ITGAV: variants seen among roughly 807,000 people sequenced by gnomAD.
ITGAV encodes the protein integrin alpha-V.
In ITGAV, 76 loss-of-function variants were observed where a neutral mutation model predicts 143.8. The ratio of observed to expected loss-of-function variants is 0.53; its 90% CI spans 0.44 to 0.64. The LOEUF (loss-of-function observed/expected upper bound fraction) is 0.64. Among genes scored for constraint, ITGAV ranks in the 30% least tolerant of loss-of-function variants. ITGAV has a pLI of 0.00. For synonymous variants in ITGAV, 453 were observed against 446.7 expected (o/e 1.01, Z -0.18); for missense variants, 1,193 against 1,274.7 (o/e 0.94, Z 0.98).
At position 186,656,413 on chromosome 2, in the gene ITGAV, C is replaced by G. The variant is rs748017411; in HGVS notation, c.1719+12C>G. The stretch of plus-strand genomic sequence containing the variant: ...TAGCGTATCTGCGGGTAAGAGCTAA[C>G]TTTTCTGCTACCTTGTTGTTCCTTT... On this transcript the variant is annotated intron_variant, in intron 17 of 29. Transcript: ENST00000261023. 6.8e-7 allele frequency: 1 copy of G among 1,464,054 alleles called. No individual in the cohort carries two copies. Among genetic ancestry groups the G allele is most frequent in the Non-Finnish European group, 9.0e-7 (1 of 1,108,890 alleles). 90.7% of individuals were successfully genotyped at this position (1,464,054 alleles called of 1,614,324 possible).
In ITGAV at chr2:186,649,835, T is replaced by G; in HGVS notation, c.1352-5T>G. ...TATTAACATGTTTTTCCACTCTTTC[T>G]TAAGACTTAATTGTAGGAGCTTTTG... On this transcript the variant is annotated splice_region_variant and splice_polypyrimidine_tract_variant and intron_variant, in intron 13 of 29. Coordinates refer to ENST00000261023, the MANE Select transcript of ITGAV (RefSeq NM_002210.5). 6.3e-7 allele frequency: 1 copy of G among 1,582,708 alleles called. No individual in the cohort carries two copies. Among genetic ancestry groups the G allele is most frequent in the African/African-American group, 1.4e-5 (1 of 73,884 alleles).
In ITGAV at chr2:186,659,099, A is replaced by T; in HGVS notation, c.1781A>T (p.Asp594Val). ...ACTATTTTTATGGAATATCGGTTGG[A>T]TTATAGAACAGCTGCTGATACAACA... ...PITIFMEYRLDYRTAADTTGL... is the reference protein window; with the variant it reads ...PITIFMEYRLVYRTAADTTGL... Residue 594 changes from aspartate (D) to valine (V), a missense_variant, in exon 18 of 30, where the codon GAT becomes GTT. Transcript: ENST00000261023. The T allele has an allele frequency of 6.2e-7, 1 of 1,612,014 alleles. No homozygotes were observed. Among genetic ancestry groups the T allele is most frequent in the Non-Finnish European group, 8.5e-7 (1 of 1,178,310 alleles).
In ITGAV at chr2:186,679,173, A is replaced by G. The variant is rs1397946683; in HGVS notation, c.*1881A>G. On this transcript the variant is annotated 3_prime_UTR_variant, in exon 30 of 30. Coordinates refer to ENST00000261023, the MANE Select transcript of ITGAV (RefSeq NM_002210.5). ...CCACCAATCAGTAAGTTAGTCTATA[A>G]CAAATTTTACCCTAACAGTTTTACC... is the stretch of plus-strand genomic sequence containing the variant. The G allele has an allele frequency of 6.6e-6, 1 of 152,442 alleles. No homozygotes were observed. Among genetic ancestry groups the G allele is most frequent in the Non-Finnish European group, 1.5e-5 (1 of 68,222 alleles). 9.4% of individuals were successfully genotyped at this position (152,442 alleles called of 1,614,324 possible). A position where few individuals can be genotyped will look rare whatever the true frequency, so the allele number is the denominator to read the frequency against.
chr2:186,639,174 G>A (rs1165706204), intron 10 of ITGAV, among the ~76,000 whole-genome samples: 2 of 152,142 alleles, frequency 1.3e-5, no homozygotes, highest in Admixed American at 1.3e-4. Context: ...TTCTCTGCGA[G>A]TACAGGCATT....
chr2:186,666,775 A>C lies in ITGAV; in HGVS notation c.2238A>C (p.Gln746His), dbSNP rs1361150247. 6.4e-7 allele frequency: 1 copy of C among 1,567,266 alleles called. No individual in the cohort carries two copies. Among genetic ancestry groups the C allele is most frequent in the African/African-American group, 1.4e-5 (1 of 73,532 alleles). ...EMDTSVKFDL[Q>H]IQSSNLFDKV... Reference sequence around the variant, plus strand: ...ATACTTCTGTGAAATTTGACTTACAAATCCAAAGGTATGAAAACAACTTAT... The same window carrying C: ...ATACTTCTGTGAAATTTGACTTACACATCCAAAGGTATGAAAACAACTTAT... Residue 746 changes from glutamine to histidine, a missense_variant, in exon 22 of 30, where the codon CAA (glutamine) becomes CAC (histidine). Physicochemically the swap from Gln to His is conservative, Grantham distance 24. Coordinates refer to ENST00000261023, the MANE Select transcript of ITGAV (RefSeq NM_002210.5).
chr2:186,592,413 A>G (rs1686638584), intron 1 of ITGAV, among the ~76,000 whole-genome samples: 1 of 152,200 alleles, frequency 6.6e-6, no homozygotes. Flanking sequence ...GGCCTGGGCG[A>G]TAGAGAGAGA....
In ITGAV at chr2:186,657,647, TAAGA is replaced by T. The variant is rs1221465703; in HGVS notation, c.1719+1253_1719+1256del. On this transcript the variant is annotated intron_variant, in intron 17 of 29. Coordinates refer to ENST00000261023, the MANE Select transcript of ITGAV (RefSeq NM_002210.5). ...AATGAAAGTTAAGAAAAAATGAAGG[TAAGA>T]AAGAAACACCACAAAATTAAGAATT... Among the ~76,000 whole-genome samples, 11 of 152,124 alleles carry T rather than the reference TAAGA, an allele frequency of 7.2e-5. No individual in the cohort carries two copies. In the South Asian group the frequency reaches 2.3e-3, roughly 32 times the overall value.
intron 2 of ITGAV, among the ~76,000 whole-genome samples, chr2:186,604,699 AT>A (rs527532757): frequency 7.4e-4 from 112 of 152,038 alleles, no homozygotes; most frequent in African/African-American, 2.5e-3. Context: ...GTTAATTTGC[AT>A]TTCTTTAATT....
chr2:186,677,670 T>C lies in ITGAV; in HGVS notation c.*378T>C, dbSNP rs1300980960. 1 of 178,658 alleles carries C rather than the reference T, an allele frequency of 5.6e-6. No homozygotes were observed. Among genetic ancestry groups the C allele is most frequent in the Non-Finnish European group, 1.2e-5 (1 of 83,900 alleles). 11.1% of individuals were successfully genotyped at this position (178,658 alleles called of 1,614,324 possible). ...GTTGTTGTTGTTGTTGTTGTTGTTG[T>C]TTTAAAGCAGTCCAAATTTGGACCT... On this transcript the variant is annotated 3_prime_UTR_variant, in exon 30 of 30. Coordinates refer to ENST00000261023, the MANE Select transcript of ITGAV (RefSeq NM_002210.5).
intron 12 of ITGAV, among the ~76,000 whole-genome samples, chr2:186,642,309 A>G (rs972038904): frequency 1.3e-5 from 2 of 152,166 alleles, no homozygotes; most frequent in Admixed American, 6.5e-5. Context: ...TCAACAGTAT[A>G]GTAAGCCTAT....
At chr2:186,659,911 T>C (rs1243683654) in intron 18 of ITGAV, among the ~76,000 whole-genome samples, 1 of 151,960 alleles carries the variant, frequency 6.6e-6, no homozygotes, top group Non-Finnish European at 1.5e-5. Flanking sequence ...ATAATCATAG[T>C]ATATGTGCCA....
intron 8 of ITGAV, 73 bp from the exon 9 acceptor site, chr2:186,638,204 C>G: frequency 7.5e-7 from 1 of 1,329,650 alleles, no homozygotes; most frequent in South Asian, 1.2e-5. Flanking sequence ...AGCTTGCTGA[C>G]ATAGTCACTT....
chr2:186,656,314 C>A lies in ITGAV; in HGVS notation c.1632C>A (p.Leu544=). ...QKGAIRRALF[L]YSRSPSHSKN... ...GAGCAATTCGACGAGCACTGTTTCTCTACAGCAGGTCCCCAAGTCACTCCA... is the reference window on the plus strand; with the variant it reads ...GAGCAATTCGACGAGCACTGTTTCTATACAGCAGGTCCCCAAGTCACTCCA... The change falls in exon 17 of 30, where the codon CTC becomes CTA. Residue 544 remains leucine, a synonymous_variant. Transcript: ENST00000261023. 1 of 1,586,316 alleles carries A rather than the reference C, an allele frequency of 6.3e-7. No homozygotes were observed. The highest frequency in any genetic ancestry group is 1.2e-5 in the South Asian group (1 of 86,036).
chr2:186,592,045 A>T (rs532309840), intron 1 of ITGAV, among the ~76,000 whole-genome samples: 190 of 152,340 alleles, frequency 1.2e-3, no homozygotes, highest in African/African-American at 4.3e-3. Flanking sequence ...TTCATGAGAC[A>T]GAACATTTTA....
In ITGAV at chr2:186,637,113, T is replaced by G. The variant is rs768338687; in HGVS notation, c.802+4T>G. ...TTCAATGGTGATGGCATAGATGGTATGAAGTACTTGAACTATATCTAATCT... is the reference window on the plus strand; with the variant it reads ...TTCAATGGTGATGGCATAGATGGTAGGAAGTACTTGAACTATATCTAATCT... On this transcript the variant is annotated splice_donor_region_variant and intron_variant, in intron 8 of 29. Coordinates refer to ENST00000261023, the MANE Select transcript of ITGAV (RefSeq NM_002210.5). 7.5e-6 allele frequency: 12 copies of G among 1,605,472 alleles called. No homozygotes were observed. In the Middle Eastern group the frequency reaches 6.6e-4, roughly 88 times the overall value.
At chr2:186,629,800 A>G (rs373496363) in intron 4 of ITGAV, among the ~76,000 whole-genome samples, 4 of 152,220 alleles carry the variant, frequency 2.6e-5, no homozygotes, top group South Asian at 4.1e-4. Context: ...TGAGTCTTTG[A>G]TAACTGAAGG....
chr2:186,675,080 G>A (rs1197560799), intron 26 of ITGAV, among the ~76,000 whole-genome samples: 1 of 152,154 alleles, frequency 6.6e-6, no homozygotes, highest in Non-Finnish European at 1.5e-5. Context: ...GCATATAGAA[G>A]GTGGTGAATA....
At chr2:186,666,949 T>C (rs1574501142) in intron 22 of ITGAV, among the ~76,000 whole-genome samples, 166 bp downstream of exon 22, 1 of 152,210 alleles carries the variant, frequency 6.6e-6, no homozygotes, top group African/African-American at 2.4e-5. Context: ...TATTGTCAGA[T>C]TTGAGTTTGT....
chr2:186,637,623 G>A (rs1332892367), intron 8 of ITGAV, among the ~76,000 whole-genome samples: 1 of 152,158 alleles, frequency 6.6e-6, no homozygotes, highest in Non-Finnish European at 1.5e-5. Flanking sequence ...TTCCTCTAGT[G>A]GCTGCTGAAA....
Sources: allele counts gnomAD v4.1 joint callset (sites outside exome capture counted in the v4.1 genomes callset), GRCh38; gene constraint gnomAD v4.1.1; transcripts MANE v1.5; gene names NCBI Gene and HGNC (gene_info 2026-07-23, HGNC 2026-07-21).